The following SLC30A8 variants were observed in gnomAD, a reference collection of about 807,000 sequenced individuals.
SLC30A8 encodes solute carrier family 30 member 8, also known as proton-coupled zinc antiporter SLC30A8.
Under a neutral mutation model 36.9 loss-of-function variants are expected in SLC30A8, and 27 were observed. The ratio of observed to expected loss-of-function variants is 0.73; its 90% CI spans 0.54 to 1.01. The LOEUF (loss-of-function observed/expected upper bound fraction) is 1.01, where lower values mean the gene tolerates loss of function less well. Ranked by LOEUF, SLC30A8 falls within the 50% of genes least tolerant of loss-of-function variation. SLC30A8 has a pLI of 0.00. For synonymous variants in SLC30A8, 164 were observed against 172.4 expected (o/e 0.95, Z 0.38); for missense variants, 439 against 452.0 (o/e 0.97, Z 0.26).
intron 2 of SLC30A8, among the ~76,000 whole-genome samples, chr8:117,077,791 G>T (rs764387966): frequency 5.3e-5 from 8 of 152,150 alleles, no homozygotes; most frequent in Middle Eastern, 3.2e-3. Context: ...GAAACCAATT[G>T]TTCAGATTAT....
intron 6 of SLC30A8, among the ~76,000 whole-genome samples, chr8:117,167,240 C>T (rs190428245): frequency 4.1e-4 from 62 of 152,142 alleles, no homozygotes; most frequent in Non-Finnish European, 8.8e-5. Flanking sequence ...GACTGGACTA[C>T]GTCAGCTAGT....
At chr8:117,162,392 T>A (rs1419760999) in intron 5 of SLC30A8, among the ~76,000 whole-genome samples, 4 of 152,112 alleles carry the variant, frequency 2.6e-5, no homozygotes. Flanking sequence ...GCACCTGATT[T>A]ATTGTTCCAC....
chr8:117,069,224 A>G (rs1818256819), intron 2 of SLC30A8, among the ~76,000 whole-genome samples: 2 of 152,242 alleles, frequency 1.3e-5, no homozygotes, highest in Non-Finnish European at 2.9e-5. Context: ...TTAAAAAGGA[A>G]TTAGAAATGA....
intron 1 of SLC30A8, among the ~76,000 whole-genome samples, chr8:116,994,847 G>A (rs561681236): frequency 1.1e-4 from 17 of 152,212 alleles, no homozygotes; most frequent in African/African-American, 3.1e-4. Flanking sequence ...ATGGAGAAAT[G>A]ACTTGTGTGT....
At chr8:116,993,779 A>G (rs563097468) in intron 1 of SLC30A8, among the ~76,000 whole-genome samples, 1 of 152,160 alleles carries the variant, frequency 6.6e-6, no homozygotes, top group Admixed American at 6.5e-5. Context: ...CATGAAGGGC[A>G]TATCAGCAGA....
intron 1 of SLC30A8, 109 bp from the exon 2 acceptor site, chr8:117,146,844 AG>A (rs1821920199): frequency 6.6e-7 from 1 of 1,517,304 alleles, no homozygotes; most frequent in Admixed American, 2.1e-5. Flanking sequence ...AACACTTCAT[AG>A]CAAGTAAGCA....
chr8:117,071,761 C>T (rs1302175016), intron 2 of SLC30A8, among the ~76,000 whole-genome samples: 1 of 151,910 alleles, frequency 6.6e-6, no homozygotes, highest in Non-Finnish European at 1.5e-5. Context: ...TTATTTATTC[C>T]TCAAATACTC....
chr8:116,985,342 A>T (rs1183332529), intron 1 of SLC30A8, among the ~76,000 whole-genome samples: 1 of 151,374 alleles, frequency 6.6e-6, no homozygotes, highest in Admixed American at 6.6e-5. Flanking sequence ...ACAAGTATGT[A>T]TATCTTTTTT....
chr8:117,023,046 A>G (rs149947842), intron 1 of SLC30A8, among the ~76,000 whole-genome samples: 2,550 of 152,332 alleles, frequency 0.017, 66 homozygotes, highest in African/African-American at 0.057. Flanking sequence ...AAACAACCCC[A>G]TCAACAAGTG....
intron 1 of SLC30A8, among the ~76,000 whole-genome samples, chr8:117,013,765 C>G (rs540422664): frequency 3.9e-5 from 6 of 152,174 alleles, no homozygotes; most frequent in African/African-American, 1.4e-4. Flanking sequence ...ATTTTAATCC[C>G]TCTTTTTAAC....
At chr8:116,986,575 T>A (rs148183434) in intron 1 of SLC30A8, among the ~76,000 whole-genome samples, 5 of 152,304 alleles carry the variant, frequency 3.3e-5, no homozygotes, top group African/African-American at 1.2e-4. Context: ...AATCATCAAG[T>A]CAGAAGATAG....
chr8:117,167,504 T>TATATATATATATATATATAA, intron 6 of SLC30A8, among the ~76,000 whole-genome samples: 3 of 142,246 alleles, frequency 2.1e-5, no homozygotes, highest in East Asian at 2.1e-4. Context: ...CATACATACA[T>TATATATATATATATATATAA]GTATATGTAT....
intron 2 of SLC30A8, among the ~76,000 whole-genome samples, chr8:117,067,512 T>G (rs1489702579): frequency 6.6e-6 from 1 of 152,186 alleles, no homozygotes; most frequent in Non-Finnish European, 1.5e-5. Flanking sequence ...CTTCAAAGTT[T>G]GTAAACAGAT....
intron 1 of SLC30A8, among the ~76,000 whole-genome samples, chr8:116,983,013 T>C (rs1815328663): frequency 6.6e-6 from 1 of 152,210 alleles, no homozygotes; most frequent in Admixed American, 6.5e-5. Context: ...ATTATTTTTA[T>C]ATTTGCTTTG....
intron 1 of SLC30A8, among the ~76,000 whole-genome samples, chr8:116,953,012 T>C (rs973461890): frequency 2.7e-5 from 4 of 147,172 alleles, no homozygotes; most frequent in African/African-American, 8.1e-5. Context: ...TTTTCAATGC[T>C]TGCCTCCCTC....
intron 1 of SLC30A8, among the ~76,000 whole-genome samples, chr8:116,989,160 T>C (rs1806715245): frequency 1.3e-5 from 2 of 152,202 alleles, no homozygotes; most frequent in South Asian, 4.1e-4. Context: ...CAACTTTGAA[T>C]GTGCTGTACA....
At chr8:116,958,446 A>G (rs963168404) in intron 1 of SLC30A8, among the ~76,000 whole-genome samples, 10 of 152,056 alleles carry the variant, frequency 6.6e-5, no homozygotes, top group Admixed American at 4.6e-4. Context: ...ATTTTTATTA[A>G]GTATAGACTT....
chr8:117,053,386 C>T lies in SLC30A8; in HGVS notation c.-226+14128C>T, dbSNP rs75970277. 3.4e-3 allele frequency among the ~76,000 whole-genome samples: 523 copies of T among 152,252 alleles called. 2 individuals are homozygous for T. The highest frequency in any genetic ancestry group is 6.2e-3 in the Non-Finnish European group (423 of 68,022). On this transcript the variant is annotated intron_variant, in intron 2 of 10. Coordinates refer to the SLC30A8 transcript ENST00000427715. The stretch of plus-strand genomic sequence containing the variant: ...TGTCTGCATGTACATGTATTTAAAG[C>T]CCACTTAAAGACTTGGGTTCAAGTT...
At chr8:117,165,920 C>G (rs1021267466) in intron 6 of SLC30A8, among the ~76,000 whole-genome samples, 1 of 151,848 alleles carries the variant, frequency 6.6e-6, no homozygotes, top group African/African-American at 2.4e-5. Flanking sequence ...TATGTGGGAG[C>G]TAAAAACAAA....
Sources: allele counts gnomAD v4.1 joint callset (sites outside exome capture counted in the v4.1 genomes callset), GRCh38; gene constraint gnomAD v4.1.1; transcripts MANE v1.5; gene names NCBI Gene and HGNC (gene_info 2026-07-23, HGNC 2026-07-21).